USP34: variants seen among roughly 807,000 people sequenced by gnomAD.
USP34 encodes the protein ubiquitin specific peptidase 34, also known as ubiquitin carboxyl-terminal hydrolase 34.
A neutral mutation model predicts 460.3 loss-of-function variants in USP34; 70 were observed. The ratio of observed to expected loss-of-function variants is 0.15; its 90% CI spans 0.13 to 0.19. USP34 has a LOEUF of 0.19. Ranked by LOEUF, USP34 falls within the 10% of genes least tolerant of loss-of-function variation. USP34 has a pLI of 1.00. For missense variants in USP34, 3,985 were observed against 4,236.2 expected (o/e 0.94, Z 1.65); for synonymous variants, 1,647 against 1,405.3 (o/e 1.17, Z -3.85).
At chr2:61,278,135 A>T in intron 41 of USP34, 30 bp downstream of exon 41, 1 of 1,606,914 alleles carries the variant, frequency 6.2e-7, no homozygotes. Context: ...ATCACATTTC[A>T]TAGAAACATT....
Position 61,214,705 on chromosome 2 carries a change from T to C in USP34, c.8048-11A>G. The C allele has an allele frequency of 6.2e-7, 1 of 1,612,474 alleles. No homozygotes were observed. The highest frequency in any genetic ancestry group is 1.1e-5 in the South Asian group (1 of 90,734). ...GAAGATAAGCTGCAGCTATAAAATG[T>C]AAAACAAAACTGTCAGATCCTTGTA... is the stretch of plus-strand genomic sequence containing the variant. On this transcript the variant is annotated splice_polypyrimidine_tract_variant and intron_variant, in intron 67 of 79. Transcript: ENST00000398571.
Position 61,280,309 on chromosome 2 carries a change from A to G in USP34, c.5191T>C (p.Cys1731Arg). The G allele has an allele frequency of 2.6e-6, 4 of 1,560,274 alleles. No individual in the cohort carries two copies. The highest frequency in any genetic ancestry group is 3.5e-6 in the Non-Finnish European group (4 of 1,155,184). Residue 1731 changes from cysteine (C) to arginine (R), a missense_variant, in exon 39 of 80, where the codon TGT (cysteine) becomes CGT (arginine). By Grantham distance (180) the Cys-to-Arg change is radical (BLOSUM62 -3). Around this residue, in one of 14 missense-constraint regions of USP34, gnomAD observed 1,114 missense variants for 1,122.5 expected, o/e 0.99. Coordinates refer to ENST00000398571, the MANE Select transcript of USP34 (RefSeq NM_014709.4). ...CATAACAACCAAAAATACTCTTTAC[A>G]TCCTGGTTTTAATATTGGTTCTTCC... ...YEEEPILKPG[C>R]KEYFWLLCKL...
intron 3 of USP34, among the ~76,000 whole-genome samples, chr2:61,395,610 C>A (rs1363621184): frequency 1.4e-5 from 2 of 144,548 alleles, no homozygotes; most frequent in Non-Finnish European, 3.0e-5. Context: ...CACGGTGAAA[C>A]CCCGTCTCTA....
intron 33 of USP34, 107 bp downstream of exon 33, chr2:61,293,357 C>T: frequency 2.8e-6 from 2 of 718,266 alleles, no homozygotes; most frequent in South Asian, 2.5e-5. Context: ...ATATTCCATA[C>T]TTTATTATAA....
At chr2:61,460,527 A>C (rs763038048) in intron 1 of USP34, among the ~76,000 whole-genome samples, 2 of 152,192 alleles carry the variant, frequency 1.3e-5, no homozygotes, top group African/African-American at 2.4e-5. Flanking sequence ...AAAAGGTGAA[A>C]GTTCTTAAAA....
intron 1 of USP34, among the ~76,000 whole-genome samples, chr2:61,432,485 G>A (rs1284346628): frequency 6.6e-6 from 1 of 151,786 alleles, no homozygotes; most frequent in Non-Finnish European, 1.5e-5. Flanking sequence ...TCATAAATAC[G>A]TAAACAAACA....
intron 43 of USP34, among the ~76,000 whole-genome samples, chr2:61,265,107 T>C (rs1166233330): frequency 3.3e-5 from 5 of 152,200 alleles, no homozygotes; most frequent in Admixed American, 2.0e-4. Flanking sequence ...TTCTCATATG[T>C]TCTCCCAGTG....
At chr2:61,231,516 C>T (rs1191303816) in intron 58 of USP34, among the ~76,000 whole-genome samples, 1 of 152,038 alleles carries the variant, frequency 6.6e-6, no homozygotes, top group Non-Finnish European at 1.5e-5. Flanking sequence ...AATTTGAGAC[C>T]AGCCTAGGCA....
Position 61,343,998 on chromosome 2 carries a change from C to T in USP34, c.2317G>A (p.Asp773Asn), listed in dbSNP as rs1446177319. Residue 773 changes from aspartate to asparagine, a missense_variant, in exon 16 of 80, where the codon GAT (aspartate) becomes AAT (asparagine). By Grantham distance (23) the Asp-to-Asn change is conservative. Coordinates refer to ENST00000398571, the MANE Select transcript of USP34 (RefSeq NM_014709.4). Reference protein sequence around the residue: ...HMVDDMLSADDVSCSSSQVSA... With the variant: ...HMVDDMLSADNVSCSSSQVSA... Reference sequence around the variant, plus strand: ...ACCTGGGAGCTACTACAACTGACATCATCTGCACTTAGCATATCATCAACC... The same window carrying T: ...ACCTGGGAGCTACTACAACTGACATTATCTGCACTTAGCATATCATCAACC... The T allele has an allele frequency of 1.2e-6, 2 of 1,613,830 alleles. No individual in the cohort carries two copies. Among genetic ancestry groups the T allele is most frequent in the South Asian group, 2.2e-5 (2 of 91,054 alleles).
intron 25 of USP34, among the ~76,000 whole-genome samples, chr2:61,313,325 G>C (rs1044480789): frequency 1.8e-3 from 277 of 151,790 alleles, no homozygotes; most frequent in African/African-American, 6.4e-3. Flanking sequence ...ACCACTGAAT[G>C]CTCAAAAAAC....
intron 27 of USP34, among the ~76,000 whole-genome samples, chr2:61,310,334 A>C (rs887450701): frequency 1.2e-4 from 19 of 152,290 alleles, no homozygotes; most frequent in African/African-American, 4.6e-4. Flanking sequence ...TAATGAAAAC[A>C]ATCTAAATGT....
chr2:61,470,275 G>C (rs1159540351), intron 1 of USP34, among the ~76,000 whole-genome samples: 1 of 152,176 alleles, frequency 6.6e-6, no homozygotes, highest in African/African-American at 2.4e-5. Context: ...GACTGCGGAG[G>C]AAAGCCTCGT....
intron 41 of USP34, among the ~76,000 whole-genome samples, chr2:61,271,447 A>G (rs976807554): frequency 2.6e-5 from 4 of 152,230 alleles, no homozygotes; most frequent in African/African-American, 9.6e-5. Context: ...CATAAGACAA[A>G]TGTACTGTTT....
intron 3 of USP34, among the ~76,000 whole-genome samples, chr2:61,403,772 G>C (rs1693787559): frequency 1.3e-5 from 2 of 151,976 alleles, no homozygotes; most frequent in African/African-American, 4.8e-5. Flanking sequence ...CGGATCACAA[G>C]GCCAGGAGAT....
chr2:61,265,448 A>T lies in USP34; in HGVS notation c.5727T>A (p.Ile1909=). 1 of 1,613,498 alleles carries T rather than the reference A, an allele frequency of 6.2e-7. No individual in the cohort carries two copies. Among genetic ancestry groups the T allele is most frequent in the Non-Finnish European group, 8.5e-7 (1 of 1,179,856 alleles). Residue 1909 remains isoleucine (I), a synonymous_variant, in exon 43 of 80, where the codon ATT becomes ATA. Transcript: ENST00000398571. ...LGATCYLAST[I]QQLYMIPEAR... The stretch of plus-strand genomic sequence containing the variant: ...CCTCAGGTATCATATAAAGTTGCTG[A>T]ATAGTAGAAGCTAAGTAACAAGTAG...
At chr2:61,193,399 T>TAAAAAAAA (rs1686698963) in intron 75 of USP34, 1 of 138,764 alleles carries the variant, frequency 7.2e-6, no homozygotes, top group African/African-American at 3.0e-5. Context: ...AGTGGAGAAT[T>TAAAAAAAA]AAACATATCT....
intron 23 of USP34, among the ~76,000 whole-genome samples, chr2:61,315,226 G>C (rs1018550594): frequency 6.6e-6 from 1 of 152,070 alleles, no homozygotes; most frequent in Admixed American, 6.5e-5. Context: ...GAAAATTCTA[G>C]TCCTGAAAAA....
intron 1 of USP34, among the ~76,000 whole-genome samples, chr2:61,436,914 G>A (rs1044130805): frequency 6.6e-5 from 10 of 152,178 alleles, no homozygotes; most frequent in African/African-American, 2.4e-4. Context: ...CCAATACATG[G>A]AAATTAAACA....
chr2:61,465,912 G>A (rs1161031753), intron 1 of USP34, among the ~76,000 whole-genome samples: 2 of 152,064 alleles, frequency 1.3e-5, no homozygotes, highest in African/African-American at 4.8e-5. Context: ...GGGAGGCGGA[G>A]CTTGCAGTGA....
Sources: gnomAD v4.1 joint callset for allele counts (sites outside exome capture counted in the v4.1 genomes callset) on GRCh38, gnomAD v4.1.1 for gene constraint, gnomAD v4.1.1 regional missense constraint, MANE v1.5 for transcripts, NCBI Gene and HGNC (gene_info 2026-07-23, HGNC 2026-07-21) for gene names.